Variants in ADAMTSL1 observed in about 807,000 individuals in gnomAD.
ADAMTSL1 encodes ADAMTS like 1, also known as ADAMTS-like protein 1.
ADAMTSL1 carries 126 observed loss-of-function variants against 201.8 expected under a neutral mutation model. The observed-to-expected ratio is 0.62, with a 90% CI of 0.54 to 0.72. ADAMTSL1 has a LOEUF of 0.72. Among genes scored for constraint, ADAMTSL1 ranks in the 30% least tolerant of loss-of-function variants. The probability of loss-of-function intolerance (pLI) is 0.00; values close to 1 mark genes in which losing one functional copy is unlikely to be tolerated. For synonymous variants in ADAMTSL1, 1,121 were observed against 903.4 expected, an observed-to-expected ratio of 1.24 and a Z score of -4.32; for missense variants, 2,679 against 2,277.8, an observed-to-expected ratio of 1.18 and a Z score of -3.59.
rs552565336 is a variant in ADAMTSL1, at chr9:18,425,906, G to C, written c.208-78923G>C. ...CGTGTATAGATTCGGAAAGTGAGGA[G>C]AAAAGATGTTCTTTTGGAAGGTAAA... On this transcript the variant is annotated intron_variant, in intron 2 of 29. Coordinates refer to the ADAMTSL1 transcript ENST00000680146. Among the ~76,000 whole-genome samples, 504 of 151,066 alleles carry C rather than the reference G, an allele frequency of 3.3e-3. 5 individuals are homozygous for C. The highest frequency in any genetic ancestry group is 0.021 in the Middle Eastern group (6 of 292).
rs751863887 is a variant in ADAMTSL1 at position 18,358,663 on chromosome 9, C to G, written c.208-146166C>G. ...TGTGTCTGGCTTTTTAAATTTAACA[C>G]AATGTTTTAAAGCTTCATCCATGGT... On this transcript the variant is annotated intron_variant, in intron 2 of 29. Coordinates refer to the ADAMTSL1 transcript ENST00000680146. 3.3e-5 allele frequency among the ~76,000 whole-genome samples: 5 copies of G among 152,234 alleles called. 1 individual carries two copies. In the South Asian group the frequency reaches 1.0e-3, roughly 32 times the overall value.
intron 2 of ADAMTSL1, among the ~76,000 whole-genome samples, chr9:18,449,278 TA>T (rs200126334): frequency 0.023 from 3,520 of 150,664 alleles, 116 homozygotes; most frequent in African/African-American, 0.069. Flanking sequence ...TTATATAATT[TA>T]AAAATATAAT....
intron 2 of ADAMTSL1, among the ~76,000 whole-genome samples, chr9:18,236,315 C>T (rs1345536884): frequency 6.6e-6 from 1 of 152,160 alleles, no homozygotes; most frequent in Non-Finnish European, 1.5e-5. Flanking sequence ...ACCCCGTGAA[C>T]CACCCACCTC....
At chr9:18,619,840 A>T (rs190446394) in intron 4 of ADAMTSL1, among the ~76,000 whole-genome samples, 1 of 152,090 alleles carries the variant, frequency 6.6e-6, no homozygotes. Flanking sequence ...CCTGTGCCCA[A>T]TGCCTGCGCT....
intron 1 of ADAMTSL1, among the ~76,000 whole-genome samples, chr9:17,954,653 T>A (rs1440198359): frequency 4.6e-5 from 7 of 152,286 alleles, no homozygotes; most frequent in Non-Finnish European, 1.0e-4. Context: ...TTCCTTAGTG[T>A]GCCTATGAAA....
chr9:18,034,182 T>C (rs1299162196), intron 1 of ADAMTSL1, among the ~76,000 whole-genome samples: 7 of 152,248 alleles, frequency 4.6e-5, no homozygotes, highest in South Asian at 2.1e-4. Context: ...CCCCTTGACT[T>C]AACACTTTTT....
intron 2 of ADAMTSL1, among the ~76,000 whole-genome samples, chr9:18,321,040 A>G (rs1024718933): frequency 8.5e-5 from 13 of 152,138 alleles, no homozygotes; most frequent in African/African-American, 3.1e-4. Flanking sequence ...AAACAGTAAC[A>G]CTCAATTTTA....
rs148935669 is a variant in ADAMTSL1 at position 18,592,277 on chromosome 9, T to C, written c.474+18011T>C. On this transcript the variant is annotated intron_variant, in intron 4 of 28. Transcript: ENST00000380548. ...TTCATTGCTTGTCATATAAAATCCA[T>C]TTTTCATCACACATCACAATCCAAT... Among the ~76,000 whole-genome samples the C allele has an allele frequency of 2.1e-3, 316 of 152,256 alleles. 2 individuals are homozygous for C. The highest frequency in any genetic ancestry group is 7.1e-3 in the African/African-American group (293 of 41,556).
intron 1 of ADAMTSL1, among the ~76,000 whole-genome samples, chr9:18,059,065 T>C (rs1165657490): frequency 6.6e-6 from 1 of 152,240 alleles, no homozygotes; most frequent in Non-Finnish European, 1.5e-5. Flanking sequence ...ACTTTGGTCC[T>C]ATCCAGTATC....
intron 2 of ADAMTSL1, among the ~76,000 whole-genome samples, chr9:18,255,261 GC>G (rs1831638197): frequency 1.3e-5 from 2 of 152,122 alleles, no homozygotes; most frequent in Admixed American, 1.3e-4. Context: ...ACTAGGGGGC[GC>G]TGCCGCATTC....
chr9:18,535,400 G>A lies in ADAMTSL1; in HGVS notation c.237+2108G>A, dbSNP rs576647105. Among the ~76,000 whole-genome samples, 44 of 152,252 alleles carry A rather than the reference G, an allele frequency of 2.9e-4. No homozygotes were observed. In the South Asian group the frequency reaches 5.4e-3, roughly 19 times the overall value. On this transcript the variant is annotated intron_variant, in intron 3 of 28. Transcript: ENST00000380548. ...ATTCAACAAGACTGTAGGAAGTTCC[G>A]AATTTTCCCACATCTTCCTGTCTTC... is the stretch of plus-strand genomic sequence containing the variant.
At chr9:17,957,872 G>A (rs1447456286) in intron 1 of ADAMTSL1, among the ~76,000 whole-genome samples, 9 of 152,038 alleles carry the variant, frequency 5.9e-5, no homozygotes, top group African/African-American at 2.2e-4. Flanking sequence ...AAGAGGAGAG[G>A]AAGAATCCTT....
chr9:17,954,860 A>G (rs1431760132), intron 1 of ADAMTSL1, among the ~76,000 whole-genome samples: 1 of 152,250 alleles, frequency 6.6e-6, no homozygotes, highest in Admixed American at 6.5e-5. Flanking sequence ...CTGAATTTCT[A>G]CTTCTTCCAG....
intron 2 of ADAMTSL1, among the ~76,000 whole-genome samples, chr9:18,463,608 A>G (rs1323621968): frequency 6.6e-6 from 1 of 151,844 alleles, no homozygotes; most frequent in African/African-American, 2.4e-5. Context: ...GAATCTTACT[A>G]CTCTAGGTAC....
rs778954621 is a variant in ADAMTSL1 at position 18,143,366 on chromosome 9, C to T, written c.88-20496C>T. On this transcript the variant is annotated intron_variant, in intron 1 of 29. Coordinates refer to the ADAMTSL1 transcript ENST00000680146. Reference sequence around the variant, plus strand: ...TAAAAAGTGGGTTTGCAGCTTCTCTCCATCCCAAGTACATCTTCCTTTCCC... The same window carrying T: ...TAAAAAGTGGGTTTGCAGCTTCTCTTCATCCCAAGTACATCTTCCTTTCCC... 4.5e-4 allele frequency among the ~76,000 whole-genome samples: 68 copies of T among 152,198 alleles called. 2 individuals carry two copies. Among genetic ancestry groups the T allele is most frequent in the Non-Finnish European group, 1.3e-4 (9 of 68,044 alleles).
At chr9:18,581,634 A>G (rs1823099140) in intron 4 of ADAMTSL1, among the ~76,000 whole-genome samples, 1 of 152,216 alleles carries the variant, frequency 6.6e-6, no homozygotes, top group Non-Finnish European at 1.5e-5. Flanking sequence ...CCATCTGTGC[A>G]CATTTGAAAC....
At chr9:18,785,691 C>T (rs533337682) in intron 19 of ADAMTSL1, among the ~76,000 whole-genome samples, 1 of 152,306 alleles carries the variant, frequency 6.6e-6, no homozygotes, top group African/African-American at 2.4e-5. Flanking sequence ...GTATAACACC[C>T]CTAGCCAAAG....
chr9:18,644,782 T>C (rs1158279347), intron 7 of ADAMTSL1, among the ~76,000 whole-genome samples: 5 of 152,152 alleles, frequency 3.3e-5, no homozygotes, highest in Non-Finnish European at 5.9e-5. Flanking sequence ...TAATCCAGTC[T>C]ATCATTGTTG....
chr9:18,468,283 CG>C (rs1362491134), intron 2 of ADAMTSL1, among the ~76,000 whole-genome samples: 1 of 152,098 alleles, frequency 6.6e-6, no homozygotes, highest in Non-Finnish European at 1.5e-5. Context: ...TCTATCCTCC[CG>C]GTTCAGTTCA....
Sources: gnomAD v4.1 joint callset for allele counts (sites outside exome capture counted in the v4.1 genomes callset) on GRCh38, gnomAD v4.1.1 for gene constraint, MANE v1.5 for transcripts, NCBI Gene and HGNC (gene_info 2026-07-23, HGNC 2026-07-21) for gene names.